Variants in MKLN1 observed in about 807,000 individuals in gnomAD.
The protein encoded by MKLN1 is muskelin.
A neutral mutation model predicts 99.0 loss-of-function variants in MKLN1; 18 were observed. The ratio of observed to expected loss-of-function variants is 0.18; its 90% CI spans 0.13 to 0.27. The LOEUF (loss-of-function observed/expected upper bound fraction) is 0.27. Among genes scored for constraint, MKLN1 ranks in the 10% least tolerant of loss-of-function variants. The probability of loss-of-function intolerance (pLI) is 1.00; values close to 1 mark genes in which losing one functional copy is unlikely to be tolerated. For synonymous variants in MKLN1, 288 were observed against 293.2 expected, an observed-to-expected ratio of 0.98 and a Z score of 0.18; for missense variants, 621 against 875.9, an observed-to-expected ratio of 0.71 and a Z score of 3.67.
At position 131,398,037 on chromosome 7, in the gene MKLN1, ATTAG is replaced by A. The variant is rs930945211; in HGVS notation, c.510+665_510+668del. On this transcript the variant is annotated intron_variant, in intron 5 of 17. Coordinates refer to ENST00000352689, the MANE Select transcript of MKLN1 (RefSeq NM_013255.5). ...AGGATTAGGTGTTTAATGACCTTTTATTAGTTAAGTCAGCTATCAACTGATTTGT... is the reference window on the plus strand; with the variant it reads ...AGGATTAGGTGTTTAATGACCTTTTATTAAGTCAGCTATCAACTGATTTGT... 5.9e-5 allele frequency among the ~76,000 whole-genome samples: 9 copies of A among 152,278 alleles called. No homozygotes were observed. In the South Asian group the frequency reaches 1.9e-3, roughly 32 times the overall value.
intron 3 of MKLN1, among the ~76,000 whole-genome samples, chr7:131,204,187 C>T (rs1052225074): frequency 1.3e-5 from 2 of 152,266 alleles, no homozygotes; most frequent in Admixed American, 1.3e-4. Flanking sequence ...GTTACCTGTT[C>T]TCAGGAGGAT....
chr7:131,129,878 G>T (rs921411664), intron 1 of MKLN1, among the ~76,000 whole-genome samples: 2 of 152,060 alleles, frequency 1.3e-5, no homozygotes, highest in Non-Finnish European at 2.9e-5. Context: ...GCCCAGCTAG[G>T]TCATTTATTT....
chr7:131,166,603 A>T (rs1796128852), intron 2 of MKLN1, among the ~76,000 whole-genome samples: 1 of 151,972 alleles, frequency 6.6e-6, no homozygotes, highest in South Asian at 2.1e-4. Context: ...GGCCTTTCTT[A>T]GTGTTTTCTC....
intron 6 of MKLN1, among the ~76,000 whole-genome samples, chr7:131,410,904 C>T (rs1794854698): frequency 6.6e-6 from 1 of 152,030 alleles, no homozygotes; most frequent in Non-Finnish European, 1.5e-5. Context: ...TTCTATTTTG[C>T]AGCCTTAAAT....
chr7:131,193,625 C>T (rs1485018624), intron 2 of MKLN1, among the ~76,000 whole-genome samples: 2 of 151,966 alleles, frequency 1.3e-5, no homozygotes, highest in African/African-American at 4.8e-5. Context: ...CCGCCCGCCT[C>T]GGCCTCTCAG....
chr7:131,186,780 A>G (rs1796457922), intron 2 of MKLN1, among the ~76,000 whole-genome samples: 1 of 152,214 alleles, frequency 6.6e-6, no homozygotes, highest in Non-Finnish European at 1.5e-5. Flanking sequence ...AGTGTCTGGT[A>G]CCATATAAGC....
intron 2 of MKLN1, among the ~76,000 whole-genome samples, chr7:131,190,421 G>A (rs1796517540): frequency 6.6e-6 from 1 of 150,656 alleles, no homozygotes; most frequent in Non-Finnish European, 1.5e-5. Context: ...AGCCCTCGAT[G>A]CTGCAATTGG....
chr7:131,481,742 G>T (rs964646085), intron 17 of MKLN1, among the ~76,000 whole-genome samples: 4 of 140,000 alleles, frequency 2.9e-5, no homozygotes, highest in African/African-American at 1.1e-4. Context: ...GTGCCAATTA[G>T]AATAGAAATA....
At chr7:131,445,750 C>A in intron 11 of MKLN1, 24 bp from the exon 12 acceptor site, 1 of 1,221,116 alleles carries the variant, frequency 8.2e-7, no homozygotes, top group Non-Finnish European at 1.1e-6. Context: ...TTACTCCTTT[C>A]TTTTTTTTTT....
intron 3 of MKLN1, among the ~76,000 whole-genome samples, chr7:131,274,633 G>C (rs1797933170): frequency 8.2e-6 from 1 of 122,670 alleles, no homozygotes; most frequent in African/African-American, 3.4e-5. Context: ...AACAGAGCAA[G>C]ACCCTGTCTC....
intron 8 of MKLN1, among the ~76,000 whole-genome samples, chr7:131,418,104 C>A (rs917628439): frequency 3.3e-5 from 5 of 152,036 alleles, no homozygotes; most frequent in Non-Finnish European, 1.5e-5. Context: ...CACGGTGGCT[C>A]ACGCCTGTAA....
intron 1 of MKLN1, among the ~76,000 whole-genome samples, chr7:131,118,518 A>T (rs1451988495): frequency 6.6e-6 from 1 of 151,044 alleles, no homozygotes; most frequent in African/African-American, 2.4e-5. Flanking sequence ...GCGTCATTGC[A>T]CTCCAGCCTG....
intron 1 of MKLN1, among the ~76,000 whole-genome samples, chr7:131,333,205 T>C (rs1347877104): frequency 1.3e-5 from 2 of 152,166 alleles, no homozygotes; most frequent in Non-Finnish European, 2.9e-5. Flanking sequence ...ATTACAGGCA[T>C]GAGCCACCAT....
chr7:131,144,892 G>A (rs373239937), intron 2 of MKLN1, among the ~76,000 whole-genome samples: 12 of 151,956 alleles, frequency 7.9e-5, no homozygotes, highest in Admixed American at 2.6e-4. Context: ...CAGGAGAATC[G>A]CTTGAACCCG....
intron 1 of MKLN1, among the ~76,000 whole-genome samples, chr7:131,122,561 G>A (rs1795389046): frequency 6.6e-6 from 1 of 152,068 alleles, no homozygotes; most frequent in Non-Finnish European, 1.5e-5. Flanking sequence ...ATGGAAACGG[G>A]GGCATCCATT....
intron 6 of MKLN1, among the ~76,000 whole-genome samples, chr7:131,403,241 CTTCT>C (rs935201448): frequency 2.6e-5 from 4 of 152,202 alleles, no homozygotes; most frequent in Non-Finnish European, 5.9e-5. Context: ...ACAGAGGTGG[CTTCT>C]TTCTTTAAAC....
intron 2 of MKLN1, among the ~76,000 whole-genome samples, chr7:131,385,327 CTGTT>C (rs1274351521): frequency 5.3e-5 from 8 of 151,942 alleles, no homozygotes; most frequent in Middle Eastern, 6.8e-3. Flanking sequence ...TCATGTACGA[CTGTT>C]TGTTTGTATA....
chr7:131,275,914 A>G (rs1484056057), intron 3 of MKLN1, among the ~76,000 whole-genome samples: 1 of 152,184 alleles, frequency 6.6e-6, no homozygotes, highest in Non-Finnish European at 1.5e-5. Context: ...TGACCAAGGC[A>G]GGCCTTCCCA....
At chr7:131,431,384 A>G (rs1466071093) in intron 9 of MKLN1, among the ~76,000 whole-genome samples, 1 of 152,178 alleles carries the variant, frequency 6.6e-6, no homozygotes, top group Non-Finnish European at 1.5e-5. Context: ...AGTGGCATAT[A>G]GTAATAAGCA....
Sources: allele counts gnomAD v4.1 joint callset (sites outside exome capture counted in the v4.1 genomes callset), GRCh38; gene constraint gnomAD v4.1.1; transcripts MANE v1.5; gene names NCBI Gene and HGNC (gene_info 2026-07-23, HGNC 2026-07-21).